Variants in SCRG1 observed in about 807,000 individuals in gnomAD.
SCRG1 encodes the protein scrapie-responsive protein 1.
Under a neutral mutation model 7.7 loss-of-function variants are expected in SCRG1, and 3 were observed. That is an observed-to-expected ratio of 0.39 (90% CI 0.18 to 1.01). SCRG1 has a LOEUF of 1.01. Ranked by LOEUF, SCRG1 falls within the 50% of genes least tolerant of loss-of-function variation. The pLI is 0.36. For missense variants in SCRG1, 110 were observed against 117.2 expected (o/e 0.94, Z 0.28); for synonymous variants, 46 against 41.2 (o/e 1.12, Z -0.44).
the SCRG1 span, among the ~76,000 whole-genome samples, chr4:173,489,351 A>G: frequency 1.3e-5 from 2 of 152,310 alleles, no homozygotes; most frequent in African/African-American, 4.8e-5. Context: ...CTAATTGAAA[A>G]CAGATCTAAG....
chr4:173,429,292 A>AT, the SCRG1 span, among the ~76,000 whole-genome samples: 62,971 of 150,560 alleles, frequency 0.42, 15,189 homozygotes, highest in East Asian at 0.62. Context: ...GAGAAAAAAA[A>AT]TTTTTTTTTT....
the SCRG1 span, among the ~76,000 whole-genome samples, chr4:173,466,157 G>A: frequency 1.3e-5 from 2 of 152,136 alleles, no homozygotes; most frequent in Non-Finnish European, 2.9e-5. Flanking sequence ...GCTTACACTC[G>A]TGGCCAAATG....
the SCRG1 span, among the ~76,000 whole-genome samples, chr4:173,483,401 ATATATATTATATATTATATCATGATATAG>A: frequency 2.2e-4 from 4 of 17,912 alleles, 1 homozygote; most frequent in Admixed American, 7.6e-4. Flanking sequence ...TTATATCATG[ATATATATTATATATTATATCATGATATAG>A]TATATATTAT....
At chr4:173,501,757 C>G in the SCRG1 span, among the ~76,000 whole-genome samples, 3 of 152,076 alleles carry the variant, frequency 2.0e-5, no homozygotes, top group African/African-American at 7.2e-5. The surrounding 1 kb of genome is among the most constrained non-coding windows in gnomAD (Gnocchi z 5.1). Context: ...TGTGTTTGGG[C>G]GCTAGGTTGA....
chr4:173,447,917 C>A, the SCRG1 span, among the ~76,000 whole-genome samples: 5 of 152,012 alleles, frequency 3.3e-5, no homozygotes, highest in African/African-American at 7.3e-5. Context: ...CCAGCCTGGA[C>A]AATATGGTAA....
chr4:173,395,680 T>C (rs1338246064), intron 1 of SCRG1, among the ~76,000 whole-genome samples: 1 of 152,240 alleles, frequency 6.6e-6, no homozygotes, highest in Non-Finnish European at 1.5e-5. Context: ...AAAGCACTTA[T>C]ATATAATCTG....
At chr4:173,512,919 T>A in the SCRG1 span, among the ~76,000 whole-genome samples, 4 of 152,132 alleles carry the variant, frequency 2.6e-5, no homozygotes, top group African/African-American at 7.2e-5. Context: ...AAGGGCAAAA[T>A]GCCTGGAGTC....
chr4:173,440,263 G>T, the SCRG1 span, among the ~76,000 whole-genome samples: 1 of 152,080 alleles, frequency 6.6e-6, no homozygotes, highest in Non-Finnish European at 1.5e-5. Flanking sequence ...TTTACTAAAG[G>T]CTTTACAAAG....
the SCRG1 span, among the ~76,000 whole-genome samples, chr4:173,512,116 T>C: frequency 6.6e-6 from 1 of 152,220 alleles, no homozygotes; most frequent in Non-Finnish European, 1.5e-5. Context: ...ATGTGGGCCT[T>C]TGGCTTCCAG....
the SCRG1 span, among the ~76,000 whole-genome samples, chr4:173,518,319 C>A: frequency 1.6e-3 from 251 of 152,286 alleles, 2 homozygotes; most frequent in Middle Eastern, 0.027. Flanking sequence ...GGGTGGGGGA[C>A]AGGGGGACGG....
chr4:173,483,269 T>TTA, the SCRG1 span, among the ~76,000 whole-genome samples: 1 of 68,298 alleles, frequency 1.5e-5, no homozygotes, highest in East Asian at 4.5e-4. Flanking sequence ...ATATCATATA[T>TTA]GATATATAAT....
chr4:173,397,740 G>C (rs1010746628), intron 1 of SCRG1, among the ~76,000 whole-genome samples: 1 of 152,180 alleles, frequency 6.6e-6, no homozygotes, highest in Non-Finnish European at 1.5e-5. Context: ...AAAACTAACA[G>C]GACCATGCAG....
At chr4:173,484,664 T>TA in the SCRG1 span, among the ~76,000 whole-genome samples, 1 of 86,540 alleles carries the variant, frequency 1.2e-5, no homozygotes, top group Admixed American at 1.9e-4. Context: ...ATATATTATA[T>TA]ATAACATGAT....
the SCRG1 span, among the ~76,000 whole-genome samples, chr4:173,476,941 A>G: frequency 3.3e-5 from 5 of 152,326 alleles, no homozygotes; most frequent in African/African-American, 1.2e-4. Flanking sequence ...TTTCACATGT[A>G]TGAGATTTTC....
the SCRG1 span, among the ~76,000 whole-genome samples, chr4:173,497,420 A>G: frequency 2.6e-5 from 4 of 152,136 alleles, no homozygotes; most frequent in Non-Finnish European, 4.4e-5. Flanking sequence ...AAAGGAAAAG[A>G]CTACTTCCAG....
chr4:173,485,246 G>A, the SCRG1 span, among the ~76,000 whole-genome samples: 9 of 37,928 alleles, frequency 2.4e-4, no homozygotes, highest in Non-Finnish European at 5.3e-4. Context: ...AAGGAATGAG[G>A]CAAAAATGAT....
upstream of SCRG1, among the ~76,000 whole-genome samples, chr4:173,410,791 A>G (rs561905203): frequency 2.6e-5 from 4 of 152,334 alleles, no homozygotes; most frequent in South Asian, 4.1e-4. Flanking sequence ...AAAACTATAT[A>G]TCTCAAGAGA....
chr4:173,413,990 G>T, the SCRG1 span, among the ~76,000 whole-genome samples: 1 of 152,330 alleles, frequency 6.6e-6, no homozygotes, highest in African/African-American at 2.4e-5. Context: ...TGGGCAGAAT[G>T]TGTCCAAGAT....
upstream of SCRG1, among the ~76,000 whole-genome samples, chr4:173,400,435 T>C (rs572319031): frequency 1.3e-5 from 2 of 152,336 alleles, no homozygotes; most frequent in South Asian, 2.1e-4. Context: ...TTGGTGAACG[T>C]TGAGTTTAAG....
Sources: gnomAD v4.1 joint callset for allele counts (sites outside exome capture counted in the v4.1 genomes callset) on GRCh38, gnomAD v4.1.1 for gene constraint, Gnocchi (gnomAD v3.1) non-coding constraint, MANE v1.5 for transcripts, NCBI Gene and HGNC (gene_info 2026-07-23, HGNC 2026-07-21) for gene names.